The following PTCHD4 variants were observed in gnomAD, a reference collection of about 807,000 sequenced individuals.
PTCHD4 encodes patched domain-containing protein 4.
A neutral mutation model predicts 58.1 loss-of-function variants in PTCHD4; 33 were observed. That is an observed-to-expected ratio of 0.57 (90% CI 0.43 to 0.76). PTCHD4 has a LOEUF of 0.76. Ranked by LOEUF, PTCHD4 falls within the 30% of genes least tolerant of loss-of-function variation. PTCHD4 has a pLI of 0.00. For synonymous variants in PTCHD4, 478 were observed against 409.6 expected (o/e 1.17, Z -2.02); for missense variants, 1,058 against 1,027.1 (o/e 1.03, Z -0.41).
intron 4 of PTCHD4, among the ~76,000 whole-genome samples, chr6:47,910,449 A>T (rs1473763733): frequency 1.1e-4 from 16 of 152,060 alleles, no homozygotes; most frequent in African/African-American, 3.6e-4. Context: ...TTGTGTGTTT[A>T]TTTTTTTCCT....
intron 4 of PTCHD4, among the ~76,000 whole-genome samples, chr6:47,905,172 C>G (rs1242743918): frequency 6.6e-6 from 1 of 151,514 alleles, no homozygotes; most frequent in African/African-American, 2.4e-5. Context: ...AAATACTGGG[C>G]TTTGTAGATC....
In PTCHD4 at chr6:47,957,611, T is replaced by TA. The variant is rs532545347; in HGVS notation, c.898+51022_898+51023insT. 2.8e-4 allele frequency among the ~76,000 whole-genome samples: 42 copies of TA among 151,012 alleles called. No homozygotes were observed. In the South Asian group the frequency reaches 8.1e-3, roughly 29 times the overall value. On this transcript the variant is annotated intron_variant, in intron 4 of 4. Transcript: ENST00000339488. Reference sequence around the variant, plus strand: ...TTTTTTTTATTTTTATTTTTATTTTTTTTTTTGGAGATGGAGTCTCACTCT... The same window carrying TA: ...TTTTTTTTATTTTTATTTTTATTTTTATTTTTTGGAGATGGAGTCTCACTCT...
intron 3 of PTCHD4, among the ~76,000 whole-genome samples, chr6:48,063,522 G>A (rs184183324): frequency 6.6e-6 from 1 of 152,176 alleles, no homozygotes; most frequent in Non-Finnish European, 1.5e-5. Context: ...ATGAGCTTCA[G>A]TACCCGACAG....
intron 4 of PTCHD4, among the ~76,000 whole-genome samples, chr6:47,952,452 A>G (rs1766689457): frequency 6.6e-6 from 1 of 152,070 alleles, no homozygotes; most frequent in Admixed American, 6.6e-5. Context: ...GTATATACTC[A>G]GTGGTAAATG....
intron 3 of PTCHD4, among the ~76,000 whole-genome samples, chr6:48,052,897 A>T (rs1027108711): frequency 1.3e-5 from 2 of 152,096 alleles, no homozygotes. Context: ...ATAATAAAAG[A>T]GGGAGTAAAT....
chr6:47,922,255 C>T (rs1765457079), intron 4 of PTCHD4, among the ~76,000 whole-genome samples: 1 of 152,196 alleles, frequency 6.6e-6, no homozygotes, highest in African/African-American at 2.4e-5. Context: ...TTTTAGGAGA[C>T]TCCTTGAATA....
chr6:47,887,983 C>A (rs1479641147), intron 4 of PTCHD4, among the ~76,000 whole-genome samples: 1 of 152,126 alleles, frequency 6.6e-6, no homozygotes, highest in African/African-American at 2.4e-5. Context: ...TGAGGGAGGG[C>A]CTCGCTTTAT....
At chr6:48,005,025 A>G (rs1762382648) in intron 4 of PTCHD4, among the ~76,000 whole-genome samples, 1 of 152,242 alleles carries the variant, frequency 6.6e-6, no homozygotes, top group African/African-American at 2.4e-5. Context: ...TCTGAGACAT[A>G]CAATTTGACA....
At chr6:47,918,844 T>C (rs1431802930) in intron 4 of PTCHD4, among the ~76,000 whole-genome samples, 3 of 152,192 alleles carry the variant, frequency 2.0e-5, no homozygotes, top group African/African-American at 7.2e-5. Context: ...TGTAATCACA[T>C]GACTAAGTTC....
chr6:47,916,524 C>T lies in PTCHD4; in HGVS notation c.899-36588G>A, dbSNP rs186017109. On this transcript the variant is annotated intron_variant, in intron 4 of 4. Transcript: ENST00000339488. ...TCAGTCGATTAGGAAAATCTGCCCC[C>T]TTATCTCCATTCCCAATTATGAAAG... 2.0e-3 allele frequency among the ~76,000 whole-genome samples: 298 copies of T among 152,184 alleles called. 2 individuals are homozygous for T. Among genetic ancestry groups the T allele is most frequent in the African/African-American group, 6.7e-3 (277 of 41,546 alleles).
At chr6:48,088,293 A>G (rs765857167) in intron 1 of PTCHD4, among the ~76,000 whole-genome samples, 7 of 152,188 alleles carry the variant, frequency 4.6e-5, no homozygotes, top group African/African-American at 1.7e-4. Flanking sequence ...CTCTCTTAAC[A>G]TAATTTAGAT....
rs1014956796 is a variant in PTCHD4 at position 47,974,872 on chromosome 6, G to A, written c.898+33762C>T. Reference sequence around the variant, plus strand: ...CAGAAACCAATCTGGAGTTGAAAACGTCTCACATTAAACTGTAATTTATAA... The same window carrying A: ...CAGAAACCAATCTGGAGTTGAAAACATCTCACATTAAACTGTAATTTATAA... On this transcript the variant is annotated intron_variant, in intron 4 of 4. Coordinates refer to ENST00000339488, the MANE Select transcript of PTCHD4 (RefSeq NM_001384253.1). 3.0e-4 allele frequency among the ~76,000 whole-genome samples: 45 copies of A among 152,160 alleles called. 1 individual carries two copies. Among genetic ancestry groups the A allele is most frequent in the Admixed American group, 2.9e-3 (45 of 15,276 alleles).
intron 4 of PTCHD4, among the ~76,000 whole-genome samples, chr6:47,940,797 T>A (rs1251652196): frequency 6.6e-6 from 1 of 152,186 alleles, no homozygotes; most frequent in Non-Finnish European, 1.5e-5. Flanking sequence ...CTTCTTAATA[T>A]CAGGAATCAT....
chr6:47,926,301 A>G (rs138026216), intron 4 of PTCHD4, among the ~76,000 whole-genome samples: 58 of 152,378 alleles, frequency 3.8e-4, no homozygotes, highest in African/African-American at 1.3e-3. Flanking sequence ...CTAATGGGAT[A>G]TGACTGCTTC....
At chr6:47,960,432 C>G (rs1299145547) in intron 4 of PTCHD4, among the ~76,000 whole-genome samples, 1 of 151,922 alleles carries the variant, frequency 6.6e-6, no homozygotes, top group Non-Finnish European at 1.5e-5. Flanking sequence ...GATAAAAATG[C>G]AAGACCTAAC....
intron 3 of PTCHD4, among the ~76,000 whole-genome samples, chr6:48,055,362 G>T (rs1244676327): frequency 6.6e-6 from 1 of 152,230 alleles, no homozygotes; most frequent in African/African-American, 2.4e-5. Context: ...GAGAGGGAAA[G>T]ATGGGGAGTG....
intron 1 of PTCHD4, among the ~76,000 whole-genome samples, chr6:48,104,756 G>C (rs956741710): frequency 1.3e-5 from 2 of 152,044 alleles, no homozygotes; most frequent in African/African-American, 4.8e-5. Context: ...AATGGAGTAA[G>C]ATCTACCAAG....
At chr6:47,888,493 A>T (rs576102869) in intron 4 of PTCHD4, among the ~76,000 whole-genome samples, 233 of 152,342 alleles carry the variant, frequency 1.5e-3, no homozygotes, top group Non-Finnish European at 2.4e-3. Flanking sequence ...AGAAAAAATA[A>T]AACTTAGTAG....
intron 4 of PTCHD4, among the ~76,000 whole-genome samples, chr6:47,953,379 GTTTAGATGA>G (rs775257574): frequency 6.6e-6 from 1 of 152,108 alleles, no homozygotes; most frequent in Non-Finnish European, 1.5e-5. Context: ...TTATCTCTGA[GTTTAGATGA>G]GATTTTAATC....
Sources: gnomAD v4.1 joint callset for allele counts (sites outside exome capture counted in the v4.1 genomes callset) on GRCh38, gnomAD v4.1.1 for gene constraint, MANE v1.5 for transcripts, NCBI Gene and HGNC (gene_info 2026-07-23, HGNC 2026-07-21) for gene names.